Variants in LILRA6 observed in about 807,000 individuals in gnomAD.
LILRA6 encodes the protein leukocyte immunoglobulin-like receptor subfamily A member 6.
LILRA6 carries 16 observed loss-of-function variants against 53.9 expected under a neutral mutation model. The ratio of observed to expected loss-of-function variants is 0.30; its 90% CI spans 0.20 to 0.45. The LOEUF (loss-of-function observed/expected upper bound fraction) is 0.45. Ranked by LOEUF, LILRA6 falls within the 20% of genes least tolerant of loss-of-function variation. LILRA6 has a pLI of 1.00. For synonymous variants in LILRA6, 135 were observed against 256.4 expected (o/e 0.53, Z 4.52); for missense variants, 306 against 618.6 (o/e 0.49, Z 5.36).
exon 8 of LILRA6, chr19:54,238,974 G>A (rs749545776): frequency 2.5e-6 from 4 of 1,611,264 alleles, no homozygotes; most frequent in Admixed American, 1.7e-5. Context: ...CTGCATCTTG[G>A]GGGTTTCTCT....
exon 6 of LILRA6, chr19:54,240,342 T>C (rs1423458523): frequency 2.5e-6 from 4 of 1,604,696 alleles, no homozygotes; most frequent in Non-Finnish European, 3.4e-6. Context: ...GTATGAGCCG[T>C]AGCACCTGTA....
exon 8 of LILRA6, chr19:54,238,744 C>T (rs1261846639): frequency 8.4e-6 from 7 of 837,754 alleles, no homozygotes; most frequent in Middle Eastern, 3.5e-4. Context: ...AGCTCTTTTC[C>T]GTGGGTCTCA....
chr19:54,242,004 G>A (rs1192530988), intron 3 of LILRA6, 22 bp downstream of exon 3: 1 of 1,394,122 alleles, frequency 7.2e-7, no homozygotes, highest in Non-Finnish European at 9.8e-7. Context: ...CCTGGGGCTG[G>A]GACCCCAGAG....
In LILRA6 at chr19:54,239,611, A is replaced by G. The variant is rs1230609796; in HGVS notation, c.1309+290T>C. ...GCCCTCACCTGAGACCACGAGCTCCAGGGAGTCACTGGCCTGACCCTGGGG... is the reference window on the plus strand; with the variant it reads ...GCCCTCACCTGAGACCACGAGCTCCGGGGAGTCACTGGCCTGACCCTGGGG... On this transcript the variant is annotated intron_variant, in intron 7 of 7. Coordinates refer to ENST00000396365, the Ensembl canonical transcript of LILRA6. 7 of 1,246,408 alleles carry G rather than the reference A, an allele frequency of 5.6e-6. No individual in the cohort carries two copies. The Admixed American group carries it at 1.2e-4, about 21-fold the overall frequency. The allele number at this position is 1,246,408 out of a possible 1,614,324, so 77.2% of individuals were successfully genotyped here. A position where few individuals can be genotyped will look rare whatever the true frequency, so the allele number is the denominator to read the frequency against.
At chr19:54,240,803 C>A (rs200745143) in intron 5 of LILRA6, 28 bp downstream of exon 5, 1 of 1,612,558 alleles carries the variant, frequency 6.2e-7, no homozygotes, top group Non-Finnish European at 8.5e-7. Flanking sequence ...GAGCCTGGGT[C>A]CCTGACTGAA....
intron 7 of LILRA6, 162 bp from the exon 8 acceptor site, chr19:54,239,251 T>A: frequency 1.3e-6 from 2 of 1,523,010 alleles, no homozygotes; most frequent in South Asian, 2.6e-5. Context: ...GGGGTGAGGG[T>A]CTCAGCTCCT....
downstream of LILRA6, chr19:54,237,143 AC>A (rs2078650360): frequency 6.6e-6 from 1 of 150,918 alleles, no homozygotes. Context: ...CTGGTGGATC[AC>A]CTTAGGTCAG....
chr19:54,237,277 T>A (rs1308688804), downstream of LILRA6: 1 of 150,710 alleles, frequency 6.6e-6, no homozygotes, highest in Non-Finnish European at 1.5e-5. Flanking sequence ...ACAGGAAAAC[T>A]GCTTGAACCC....
downstream of LILRA6, chr19:54,238,353 C>G (rs1225120275): frequency 6.6e-6 from 1 of 151,092 alleles, no homozygotes; most frequent in African/African-American, 2.5e-5. Flanking sequence ...TTCTTTTTCA[C>G]TGGGTACTTC....
chr19:54,240,838 C>T, exon 5 of LILRA6: 1 of 1,613,648 alleles, frequency 6.2e-7, no homozygotes, highest in Non-Finnish European at 8.5e-7. Flanking sequence ...CACCTGCCAT[C>T]AGGATGTTCA....
chr19:54,241,874 G>C (rs1340397512), exon 4 of LILRA6: 2 of 1,294,466 alleles, frequency 1.5e-6, no homozygotes, highest in East Asian at 4.7e-5. Context: ...GTTTGCTATA[G>C]GCTCCTAGGA....
chr19:54,241,986 G>C (rs1288401634), intron 3 of LILRA6, 40 bp downstream of exon 3: 2 of 1,348,898 alleles, frequency 1.5e-6, no homozygotes, highest in African/African-American at 3.2e-5. Flanking sequence ...CCCTTCCTGA[G>C]GGCAGAGCCT....
intron 7 of LILRA6, chr19:54,239,460 T>C: frequency 1.6e-6 from 1 of 623,064 alleles, no homozygotes; most frequent in Admixed American, 3.3e-5. Flanking sequence ...ACGCTGCTCC[T>C]GAGCCATTTC....
At position 54,238,985 on chromosome 19, in the gene LILRA6, G is replaced by T. The variant is rs73938610; in HGVS notation, c.1414C>A (p.Gln472Lys). 8,656 of 1,610,670 alleles carry T rather than the reference G, an allele frequency of 5.4e-3. 912 individuals are homozygous for T. The African/African-American group carries it at 0.098, about 18-fold the overall frequency. The change falls in exon 8 of 8, where the codon CAG becomes AAG. Residue 472 changes from glutamine to lysine, a missense_variant. By Grantham distance (53) the Gln-to-Lys change is moderately conservative. This residue lies in a region of LILRA6 where 59 missense variants were observed against 58.6 expected (regional missense o/e 1.01). Coordinates refer to ENST00000396365, the Ensembl canonical transcript of LILRA6. ...CCGGCTGCATCTTGGGGGTTTCTCT[G>T]GCTGTGCTGAGCCTCAAATAACAGA... is the stretch of plus-strand genomic sequence containing the variant.
chr19:54,239,095 G>A lies in LILRA6; in HGVS notation c.1310-6C>T, dbSNP rs769225768. The A allele has an allele frequency of 1.9e-6, 3 of 1,611,094 alleles. No individual in the cohort carries two copies. Among genetic ancestry groups the A allele is most frequent in the South Asian group, 2.2e-5 (2 of 90,942 alleles). On this transcript the variant is annotated splice_polypyrimidine_tract_variant and splice_region_variant and intron_variant, in intron 7 of 7. Transcript: ENST00000396365. ...GTAATCCTTGGCGTGTGAGGCTGGGGATGGTGGGCAAAGAGGTCACAGAGG... is the reference window on the plus strand; with the variant it reads ...GTAATCCTTGGCGTGTGAGGCTGGGAATGGTGGGCAAAGAGGTCACAGAGG...
chr19:54,240,475 T>C (rs761687028), exon 6 of LILRA6: 21 of 1,562,690 alleles, frequency 1.3e-5, no homozygotes, highest in Middle Eastern at 1.8e-4. Flanking sequence ...AGAAGGAAAG[T>C]GTCAAACTGC....
chr19:54,236,739 A>G (rs2078646543), downstream of LILRA6: 1 of 151,018 alleles, frequency 6.6e-6, no homozygotes, highest in Admixed American at 6.6e-5. Context: ...AGGAAATTGT[A>G]CCATGTTCAG....
chr19:54,239,648 T>C, intron 7 of LILRA6: 1 of 1,479,778 alleles, frequency 6.8e-7, no homozygotes, highest in South Asian at 1.3e-5. Context: ...GTTGAGGGGC[T>C]GGTCCTCAGG....
rs201828111 is a variant in LILRA6 at position 54,240,432 on chromosome 19, C to T, written c.1100G>A (p.Arg367His). The stretch of plus-strand genomic sequence containing the variant: ...ATGAGCTCCGTACATTGATCTCAGA[C>T]GCAGTGGGGGATGGGCTGCCCCTTC... Residue 367 changes from arginine (R) to histidine (H), a missense_variant, in exon 6 of 8, where the codon CGT becomes CAT. Arg to His is a conservative substitution (Grantham distance 29, BLOSUM62 0). Around this residue, in one of 9 missense-constraint regions of LILRA6, gnomAD observed 106 missense variants for 196.8 expected, o/e 0.54. Transcript: ENST00000396365. The T allele has an allele frequency of 6.9e-5, 111 of 1,605,342 alleles. No individual in the cohort carries two copies. The African/African-American group carries it at 7.6e-4, about 11-fold the overall frequency.
Sources: gnomAD v4.1 joint callset for allele counts on GRCh38, gnomAD v4.1.1 for gene constraint, gnomAD v4.1.1 regional missense constraint, MANE v1.5 for transcripts, NCBI Gene and HGNC (gene_info 2026-07-23, HGNC 2026-07-21) for gene names.